MBD5: variants seen among roughly 807,000 people sequenced by gnomAD.
The protein encoded by MBD5 is methyl-CpG binding domain protein 5, also known as methyl-CpG-binding domain protein 5.
A neutral mutation model predicts 117.3 loss-of-function variants in MBD5; 13 were observed. The ratio of observed to expected loss-of-function variants is 0.11; its 90% CI spans 0.07 to 0.18. The LOEUF is 0.18. Among genes scored for constraint, MBD5 ranks in the 10% least tolerant of loss-of-function variants. The probability of loss-of-function intolerance (pLI) is 1.00; values close to 1 mark genes in which losing one functional copy is unlikely to be tolerated. For synonymous variants in MBD5, 727 were observed against 766.4 expected (o/e 0.95, Z 0.85); for missense variants, 1,879 against 2,093.8 (o/e 0.90, Z 2.00).
intron 1 of MBD5, among the ~76,000 whole-genome samples, chr2:148,167,243 C>CA (rs930856144): frequency 6.6e-6 from 1 of 152,040 alleles, no homozygotes; most frequent in Non-Finnish European, 1.5e-5. Flanking sequence ...TAAATTAATT[C>CA]AAATATATCT....
chr2:148,205,889 C>T (rs779342709), intron 2 of MBD5, among the ~76,000 whole-genome samples: 1 of 152,070 alleles, frequency 6.6e-6, no homozygotes, highest in East Asian at 1.9e-4. Context: ...GCCAGTGATC[C>T]CAGCGACTTG....
At chr2:148,044,275 G>A (rs1473556876) in intron 1 of MBD5, 2 of 152,152 alleles carry the variant, frequency 1.3e-5, no homozygotes, top group African/African-American at 4.8e-5. Flanking sequence ...TTGAACTTTA[G>A]TCTAGTAGGG....
chr2:148,410,504 G>A (rs963007188), intron 4 of MBD5, among the ~76,000 whole-genome samples: 6 of 151,956 alleles, frequency 3.9e-5, no homozygotes, highest in South Asian at 2.1e-4. Context: ...ATGTCAGCTC[G>A]CCACAGCCTT....
chr2:148,424,194 A>AAAC (rs1705703750), intron 4 of MBD5, among the ~76,000 whole-genome samples: 1 of 80,602 alleles, frequency 1.2e-5, no homozygotes, highest in African/African-American at 7.2e-5. Flanking sequence ...AAAAAAAAAA[A>AAAC]AAAAAAAAAA....
chr2:148,134,206 TAGATGAC>T, intron 1 of MBD5, among the ~76,000 whole-genome samples: 1 of 141,842 alleles, frequency 7.1e-6, no homozygotes, highest in Non-Finnish European at 1.5e-5. Context: ...GATTGATAGA[TAGATGAC>T]AGATAGATAG....
chr2:148,231,138 C>A lies in MBD5; in HGVS notation c.-830-2107C>A, dbSNP rs544081283. Among the ~76,000 whole-genome samples the A allele has an allele frequency of 2.6e-4, 39 of 152,048 alleles. 1 individual carries two copies. The South Asian group carries it at 7.7e-3, about 30-fold the overall frequency. ...CTAGGACTTGCCTTGGAGTTGCAGT[C>A]CTTATGGCCTAGCCTGCCTTTCCAG... On this transcript the variant is annotated intron_variant, in intron 2 of 13. Coordinates refer to ENST00000642680, the MANE Select transcript of MBD5 (RefSeq NM_001378120.1).
At chr2:148,032,953 G>A (rs1366383301) in intron 1 of MBD5, among the ~76,000 whole-genome samples, 1 of 152,028 alleles carries the variant, frequency 6.6e-6, no homozygotes, top group Non-Finnish European at 1.5e-5. Flanking sequence ...GAATGTCCTG[G>A]GTATGATTGA....
chr2:148,254,739 CAT>C (rs906972094), intron 3 of MBD5, among the ~76,000 whole-genome samples: 4 of 152,188 alleles, frequency 2.6e-5, no homozygotes, highest in African/African-American at 7.2e-5. Context: ...AGTGTGATGA[CAT>C]GTGTTATGTT....
At chr2:148,174,386 G>C (rs1412348752) in intron 1 of MBD5, among the ~76,000 whole-genome samples, 2 of 152,088 alleles carry the variant, frequency 1.3e-5, no homozygotes, top group East Asian at 3.9e-4. Context: ...CTGCAAAATT[G>C]GTCTGGGTAT....
intron 2 of MBD5, among the ~76,000 whole-genome samples, chr2:148,181,249 G>A (rs1698527651): frequency 6.6e-6 from 1 of 152,048 alleles, no homozygotes; most frequent in Non-Finnish European, 1.5e-5. Flanking sequence ...CACAGTATAT[G>A]GCAGCCATAT....
At chr2:148,093,253 A>G (rs1390857940) in intron 1 of MBD5, among the ~76,000 whole-genome samples, 1 of 152,176 alleles carries the variant, frequency 6.6e-6, no homozygotes, top group Non-Finnish European at 1.5e-5. Flanking sequence ...CTATCTATGC[A>G]AACAGGCAAC....
intron 2 of MBD5, among the ~76,000 whole-genome samples, chr2:148,219,315 T>G (rs1335357395): frequency 6.6e-6 from 1 of 152,176 alleles, no homozygotes; most frequent in Non-Finnish European, 1.5e-5. Flanking sequence ...TCATCTGCTA[T>G]GTAACAGTGC....
chr2:148,064,211 C>T (rs1052179496), intron 1 of MBD5, among the ~76,000 whole-genome samples: 2 of 150,292 alleles, frequency 1.3e-5, no homozygotes, highest in South Asian at 4.2e-4. Context: ...CTGCAAGCTC[C>T]GCCTCCCGGG....
At chr2:148,445,904 C>T (rs1285521260) in intron 4 of MBD5, among the ~76,000 whole-genome samples, 2 of 151,366 alleles carry the variant, frequency 1.3e-5, no homozygotes, top group Non-Finnish European at 2.9e-5. Flanking sequence ...AGCATTTTTT[C>T]ATGTGTCTGT....
intron 3 of MBD5, among the ~76,000 whole-genome samples, chr2:148,281,531 T>C (rs889706822): frequency 2.0e-5 from 3 of 152,174 alleles, no homozygotes; most frequent in Admixed American, 6.5e-5. Flanking sequence ...ACTCTTATTT[T>C]TATGTTTTCT....
At chr2:148,110,893 ATCTT>A (rs1358505547) in intron 1 of MBD5, among the ~76,000 whole-genome samples, 1 of 151,656 alleles carries the variant, frequency 6.6e-6, no homozygotes, top group Non-Finnish European at 1.5e-5. Context: ...TTTCTCATGA[ATCTT>A]TCTTGTTCTC....
chr2:148,421,013 G>A (rs1459578124), intron 4 of MBD5, among the ~76,000 whole-genome samples: 1 of 152,182 alleles, frequency 6.6e-6, no homozygotes, highest in Non-Finnish European at 1.5e-5. Context: ...ACAGGCATGA[G>A]CCACTACACC....
chr2:148,208,733 A>G (rs1305031156), intron 2 of MBD5, among the ~76,000 whole-genome samples: 2 of 149,588 alleles, frequency 1.3e-5, no homozygotes, highest in Non-Finnish European at 3.0e-5. Context: ...CTTTTACCTG[A>G]TGGTTACTTT....
intron 1 of MBD5, among the ~76,000 whole-genome samples, chr2:148,118,015 T>G (rs1696679777): frequency 6.6e-6 from 1 of 152,176 alleles, no homozygotes; most frequent in South Asian, 2.1e-4. Context: ...CAAAGCACCA[T>G]AAAGCATCTT....
Sources: gnomAD v4.1 joint callset for allele counts (sites outside exome capture counted in the v4.1 genomes callset) on GRCh38, gnomAD v4.1.1 for gene constraint, MANE v1.5 for transcripts, NCBI Gene and HGNC (gene_info 2026-07-23, HGNC 2026-07-21) for gene names.